CDH4: variants seen among roughly 807,000 people sequenced by gnomAD.
CDH4 encodes cadherin-4.
A neutral mutation model predicts 86.0 loss-of-function variants in CDH4; 33 were observed. The observed-to-expected ratio is 0.38, with a 90% CI of 0.29 to 0.51. CDH4 has a LOEUF of 0.51. Ranked by LOEUF, CDH4 falls within the 20% of genes least tolerant of loss-of-function variation. The probability of loss-of-function intolerance (pLI) is 0.86; values close to 1 mark genes in which losing one functional copy is unlikely to be tolerated. For synonymous variants in CDH4, 555 were observed against 549.4 expected (o/e 1.01, Z -0.14); for missense variants, 1,114 against 1,307.4 (o/e 0.85, Z 2.28).
Position 61,518,697 on chromosome 20 carries a change from A to C in CDH4, c.170-224866A>C, listed in dbSNP as rs1691607164. Reference sequence around the variant, plus strand: ...TTATTCATCCATCCTTCATCTACCTATCTGTTGTTCAATCATCCATCCGTT... The same window carrying C: ...TTATTCATCCATCCTTCATCTACCTCTCTGTTGTTCAATCATCCATCCGTT... On this transcript the variant is annotated intron_variant, in intron 2 of 15. Coordinates refer to ENST00000614565, the MANE Select transcript of CDH4 (RefSeq NM_001794.5). The surrounding 1 kb of genome is among the most constrained non-coding windows in gnomAD (Gnocchi z 6.3). 6.7e-6 allele frequency among the ~76,000 whole-genome samples: 1 copy of C among 149,740 alleles called. No individual in the cohort carries two copies. Among genetic ancestry groups the C allele is most frequent in the Non-Finnish European group, 1.5e-5 (1 of 67,606 alleles).
intron 10 of CDH4, 71 bp downstream of exon 10, chr20:61,923,775 C>CG: frequency 1.4e-6 from 2 of 1,427,632 alleles, no homozygotes; most frequent in Admixed American, 2.3e-5. Flanking sequence ...TCCAGAAATA[C>CG]CCCATGAAAC....
At position 61,657,766 on chromosome 20, in the gene CDH4, A is replaced by C. The variant is rs1285968885; in HGVS notation, c.170-85797A>C. ...TAAATGCAGCATTCACCTCGTAGTA[A>C]AATGTGGAGCTACATGGGATTTGTG... On this transcript the variant is annotated intron_variant, in intron 2 of 15. Transcript: ENST00000614565. Among the ~76,000 whole-genome samples, 3 of 152,368 alleles carry C rather than the reference A, an allele frequency of 2.0e-5. No homozygotes were observed. In the East Asian group the frequency reaches 5.8e-4, roughly 29 times the overall value.
At chr20:61,303,203 A>G (rs1168856088) in intron 2 of CDH4, among the ~76,000 whole-genome samples, 1 of 152,216 alleles carries the variant, frequency 6.6e-6, no homozygotes, top group African/African-American at 2.4e-5. Flanking sequence ...CAGCTGTGAA[A>G]CAAGAGTGGA....
At chr20:61,769,706 G>A (rs1427948650) in intron 3 of CDH4, among the ~76,000 whole-genome samples, 1 of 152,174 alleles carries the variant, frequency 6.6e-6, no homozygotes, top group Non-Finnish European at 1.5e-5. Context: ...TGAGAGGGAG[G>A]ACTTATGGGG....
intron 8 of CDH4, among the ~76,000 whole-genome samples, chr20:61,897,273 C>G (rs186386467): frequency 5.1e-4 from 77 of 152,194 alleles, no homozygotes; most frequent in African/African-American, 1.8e-3. Flanking sequence ...AGCCCTACCC[C>G]TCGTCTCTGG....
intron 4 of CDH4, among the ~76,000 whole-genome samples, chr20:61,790,430 CTCCA>C (rs1979115431): frequency 1.4e-5 from 2 of 147,966 alleles, no homozygotes; most frequent in East Asian, 2.1e-4. Context: ...CCATTCATCT[CTCCA>C]TCCATCCATT....
intron 2 of CDH4, among the ~76,000 whole-genome samples, chr20:61,491,955 G>A (rs1298493617): frequency 6.6e-6 from 1 of 152,006 alleles, no homozygotes; most frequent in Non-Finnish European, 1.5e-5. Context: ...TGATGTTGGT[G>A]GTGCTGATGT....
chr20:61,399,221 T>C lies in CDH4; in HGVS notation c.169+144284T>C, dbSNP rs1166301932. Among the ~76,000 whole-genome samples, 3 of 54,062 alleles carry C rather than the reference T, an allele frequency of 5.5e-5. 1 individual carries two copies. The East Asian group carries it at 1.9e-3, about 34-fold the overall frequency. 35.5% of individuals were successfully genotyped at this position (54,062 alleles called of 152,430 possible). A position where few individuals can be genotyped will look rare whatever the true frequency, so the allele number is the denominator to read the frequency against. ...AATCTCGGCTCACTGCAAGCTCCGC[T>C]TCCCGGGTTCACGCCATTCTCCTGC... On this transcript the variant is annotated intron_variant, in intron 2 of 15. Coordinates refer to ENST00000614565, the MANE Select transcript of CDH4 (RefSeq NM_001794.5).
intron 4 of CDH4, among the ~76,000 whole-genome samples, chr20:61,802,737 G>C (rs962530687): frequency 6.6e-6 from 1 of 152,212 alleles, no homozygotes; most frequent in Admixed American, 6.5e-5. Flanking sequence ...GGGGAAACAG[G>C]TGCCACCTGG....
intron 4 of CDH4, among the ~76,000 whole-genome samples, chr20:61,792,652 G>T (rs988195177): frequency 3.9e-5 from 6 of 152,048 alleles, no homozygotes; most frequent in African/African-American, 1.4e-4. Context: ...GTGTGTGTGT[G>T]TGTGTATTTT....
At chr20:61,657,332 T>C (rs1012567253) in intron 2 of CDH4, among the ~76,000 whole-genome samples, 1 of 152,256 alleles carries the variant, frequency 6.6e-6, no homozygotes, top group African/African-American at 2.4e-5. Context: ...CCAAACGGGT[T>C]GCTTCCACAG....
At chr20:61,882,884 C>G (rs1984349290) in intron 7 of CDH4, among the ~76,000 whole-genome samples, 1 of 151,236 alleles carries the variant, frequency 6.6e-6, no homozygotes, top group Non-Finnish European at 1.5e-5. Context: ...GCCTTTCCTT[C>G]TCTTTTATGT....
chr20:61,816,208 C>T (rs1209474604), intron 4 of CDH4, among the ~76,000 whole-genome samples: 1 of 152,206 alleles, frequency 6.6e-6, no homozygotes, highest in African/African-American at 2.4e-5. Flanking sequence ...CTAAACTTAA[C>T]AATTGTCTTT....
intron 2 of CDH4, among the ~76,000 whole-genome samples, chr20:61,712,489 G>A (rs889753637): frequency 6.6e-6 from 1 of 152,132 alleles, no homozygotes; most frequent in African/African-American, 2.4e-5. Context: ...AGGAAGCAGG[G>A]CGGAAGGTGC....
At chr20:61,908,534 CG>C (rs2054816315) in intron 8 of CDH4, among the ~76,000 whole-genome samples, 2 of 152,184 alleles carry the variant, frequency 1.3e-5, no homozygotes, top group Admixed American at 6.5e-5. Flanking sequence ...ACCGCTGCCT[CG>C]GGGCCTCTGT....
intron 2 of CDH4, among the ~76,000 whole-genome samples, chr20:61,268,519 A>G (rs1340091576): frequency 1.3e-5 from 2 of 152,134 alleles, no homozygotes; most frequent in African/African-American, 4.8e-5. Context: ...AGGGGGTGCT[A>G]TGGTTTGAGT....
intron 2 of CDH4, among the ~76,000 whole-genome samples, chr20:61,317,521 C>G (rs1489712868): frequency 6.6e-6 from 1 of 152,138 alleles, no homozygotes; most frequent in Admixed American, 6.5e-5. Context: ...ACGTGCCTGC[C>G]AAAGCCTGCA....
intron 2 of CDH4, among the ~76,000 whole-genome samples, chr20:61,263,193 G>A (rs574185438): frequency 7.2e-5 from 11 of 152,254 alleles, no homozygotes; most frequent in Middle Eastern, 3.4e-3. Context: ...TGGGACTGTG[G>A]TGTCTGGCAA....
intron 2 of CDH4, among the ~76,000 whole-genome samples, chr20:61,591,031 A>G (rs1289347576): frequency 1.3e-5 from 2 of 152,144 alleles, no homozygotes; most frequent in Non-Finnish European, 1.5e-5. Context: ...CCCCAGTACA[A>G]GGGCTAGCCC....
Sources: gnomAD v4.1 joint callset for allele counts (sites outside exome capture counted in the v4.1 genomes callset) on GRCh38, gnomAD v4.1.1 for gene constraint, Gnocchi (gnomAD v3.1) non-coding constraint, MANE v1.5 for transcripts, NCBI Gene and HGNC (gene_info 2026-07-23, HGNC 2026-07-21) for gene names.